Variants in ACTR3C observed in about 807,000 individuals in gnomAD.
ACTR3C encodes the protein actin related protein 3C.
A neutral mutation model predicts 26.3 loss-of-function variants in ACTR3C; 18 were observed. The ratio of observed to expected loss-of-function variants is 0.68; its 90% CI spans 0.47 to 1.01. ACTR3C has a LOEUF of 1.01. ACTR3C is among the 50% of genes least tolerant of loss of function. The probability of loss-of-function intolerance (pLI) is 0.00; values close to 1 mark genes in which losing one functional copy is unlikely to be tolerated. For synonymous variants in ACTR3C, 55 were observed against 94.5 expected, an observed-to-expected ratio of 0.58 and a Z score of 2.42; for missense variants, 184 against 250.7, an observed-to-expected ratio of 0.73 and a Z score of 1.80.
At chr7:150,035,540 C>T in the ACTR3C span, among the ~76,000 whole-genome samples, 61 of 121,726 alleles carry the variant, frequency 5.0e-4, no homozygotes, top group African/African-American at 1.8e-3. Context: ...GTGCCTCCCC[C>T]TCCTGCGATG....
the ACTR3C span, chr7:150,002,071 T>A: frequency 1.4e-4 from 21 of 152,384 alleles, no homozygotes; most frequent in Non-Finnish European, 1.5e-5. Context: ...TGTCCGTGCA[T>A]CTGCTGTGCA....
chr7:149,898,040 T>A, the ACTR3C span, among the ~76,000 whole-genome samples: 1 of 152,140 alleles, frequency 6.6e-6, no homozygotes, highest in African/African-American at 2.4e-5. Context: ...CTCAAAGATA[T>A]CAAATTATAA....
the ACTR3C span, among the ~76,000 whole-genome samples, chr7:150,159,881 C>T: frequency 1.1e-4 from 16 of 152,060 alleles, no homozygotes; most frequent in East Asian, 1.2e-3. Flanking sequence ...CTCGGCTCAC[C>T]GCAACCTCCA....
At chr7:150,133,309 T>C in the ACTR3C span, among the ~76,000 whole-genome samples, 1 of 152,064 alleles carries the variant, frequency 6.6e-6, no homozygotes, top group Non-Finnish European at 1.5e-5. Flanking sequence ...AGGGACCAAC[T>C]CTCCCTCCCC....
the ACTR3C span, chr7:150,002,455 T>A: frequency 1.3e-5 from 2 of 152,292 alleles, no homozygotes; most frequent in Non-Finnish European, 2.9e-5. Flanking sequence ...CCCTAAGAAC[T>A]CAACTGCCTG....
the ACTR3C span, among the ~76,000 whole-genome samples, chr7:150,042,016 G>T: frequency 7.4e-6 from 1 of 134,906 alleles, no homozygotes; most frequent in African/African-American, 2.6e-5. Context: ...CCTCCAGGTG[G>T]GTCCTAAGGA....
At chr7:150,038,510 C>CAA in the ACTR3C span, among the ~76,000 whole-genome samples, 1,431 of 143,266 alleles carry the variant, frequency 1.0e-2, 67 homozygotes, top group African/African-American at 0.036. Flanking sequence ...GCTAATACTG[C>CAA]AGTTTGGGAT....
At chr7:150,161,204 A>C in the ACTR3C span, among the ~76,000 whole-genome samples, 29 of 57,026 alleles carry the variant, frequency 5.1e-4, 2 homozygotes, top group Non-Finnish European at 8.6e-4. Context: ...GAAAGTATTT[A>C]TATATATATA....
At chr7:150,197,957 T>C in the ACTR3C span, among the ~76,000 whole-genome samples, 3 of 149,240 alleles carry the variant, frequency 2.0e-5, no homozygotes, top group Admixed American at 2.0e-4. Context: ...CCTCCCTGCC[T>C]GATTCTCCTG....
the ACTR3C span, among the ~76,000 whole-genome samples, chr7:149,907,478 T>TTCTCTTCTCTTCTC: frequency 4.1e-5 from 4 of 97,604 alleles, no homozygotes; most frequent in Admixed American, 1.2e-4. Context: ...CTCTCTTCTC[T>TTCTCTTCTCTTCTC]TCTCTCTCTC....
At chr7:150,322,143 G>A (rs533247860) in intron 1 of ACTR3C, among the ~76,000 whole-genome samples, 24 of 152,346 alleles carry the variant, frequency 1.6e-4, no homozygotes, top group African/African-American at 5.3e-4. Context: ...GTGGATGCAG[G>A]CCCAGATGTT....
At chr7:150,004,253 T>G in the ACTR3C span, among the ~76,000 whole-genome samples, 1 of 139,056 alleles carries the variant, frequency 7.2e-6, no homozygotes, top group African/African-American at 2.5e-5. Context: ...TTATGTGATA[T>G]GTGTGTGTGG....
At chr7:150,237,590 C>A in the ACTR3C span, among the ~76,000 whole-genome samples, 1 of 152,184 alleles carries the variant, frequency 6.6e-6, no homozygotes, top group African/African-American at 2.4e-5. Flanking sequence ...CGGTAACGCC[C>A]TGGAAGAACT....
chr7:150,142,672 A>G, the ACTR3C span, among the ~76,000 whole-genome samples: 1 of 141,444 alleles, frequency 7.1e-6, no homozygotes, highest in African/African-American at 2.7e-5. Flanking sequence ...GGGATTACAG[A>G]CGCCCACCAC....
At chr7:150,196,181 A>G in the ACTR3C span, among the ~76,000 whole-genome samples, 1 of 152,198 alleles carries the variant, frequency 6.6e-6, no homozygotes, top group East Asian at 1.9e-4. Context: ...TTCTTAGCCA[A>G]TATTTCTTCA....
At chr7:150,007,840 G>A in the ACTR3C span, among the ~76,000 whole-genome samples, 1 of 151,952 alleles carries the variant, frequency 6.6e-6, no homozygotes, top group Non-Finnish European at 1.5e-5. Context: ...GAGACAATTA[G>A]TATTGTCCTC....
chr7:150,268,001 T>C (rs1207243251), intron 6 of ACTR3C, among the ~76,000 whole-genome samples: 1 of 152,206 alleles, frequency 6.6e-6, no homozygotes, highest in Non-Finnish European at 1.5e-5. Context: ...AGTTGAACCT[T>C]TTAAACAGAG....
chr7:150,161,729 C>T, the ACTR3C span, among the ~76,000 whole-genome samples: 1 of 152,100 alleles, frequency 6.6e-6, no homozygotes, highest in Non-Finnish European at 1.5e-5. Flanking sequence ...ATGTTTATTG[C>T]AGCACTACTC....
chr7:149,931,686 CA>C, the ACTR3C span, among the ~76,000 whole-genome samples: 1 of 152,074 alleles, frequency 6.6e-6, no homozygotes, highest in South Asian at 2.1e-4. Context: ...AAGAAGGGGC[CA>C]CATCCCAGTG....
Sources: gnomAD v4.1 joint callset for allele counts (sites outside exome capture counted in the v4.1 genomes callset) on GRCh38, gnomAD v4.1.1 for gene constraint, MANE v1.5 for transcripts, NCBI Gene and HGNC (gene_info 2026-07-23, HGNC 2026-07-21) for gene names.